The following ZNF536 variants were observed in gnomAD, a reference collection of about 807,000 sequenced individuals.
ZNF536 encodes zinc finger protein 536.
Under a neutral mutation model 84.5 loss-of-function variants are expected in ZNF536, and 13 were observed. The observed-to-expected ratio is 0.15, with a 90% CI of 0.10 to 0.24. ZNF536 has a LOEUF of 0.24. Ranked by LOEUF, ZNF536 falls within the 10% of genes least tolerant of loss-of-function variation. The pLI, the probability that ZNF536 is intolerant of heterozygous loss-of-function variation, is 1.00. For missense variants in ZNF536, 1,536 were observed against 1,747.5 expected, an observed-to-expected ratio of 0.88 and a Z score of 2.16; for synonymous variants, 811 against 742.5, an observed-to-expected ratio of 1.09 and a Z score of -1.50.
At chr19:30,590,716 C>G (rs1480085171) in intron 1 of ZNF536, among the ~76,000 whole-genome samples, 1 of 152,134 alleles carries the variant, frequency 6.6e-6, no homozygotes, top group East Asian at 1.9e-4. Context: ...TCACAGAGCC[C>G]CTTTCAGTCT....
chr19:30,490,306 G>A (rs2054458057), intron 2 of ZNF536, among the ~76,000 whole-genome samples: 1 of 152,128 alleles, frequency 6.6e-6, no homozygotes, highest in Non-Finnish European at 1.5e-5. Flanking sequence ...ATCCTATTAG[G>A]CAAGTTTTCT....
chr19:30,246,502 G>T (rs1380017314), intron 1 of ZNF536, among the ~76,000 whole-genome samples: 1 of 152,162 alleles, frequency 6.6e-6, no homozygotes, highest in African/African-American at 2.4e-5. Context: ...CAAGTAGACT[G>T]CAAGCTTCCT....
intron 1 of ZNF536, among the ~76,000 whole-genome samples, chr19:30,670,328 T>C (rs1311859351): frequency 3.3e-5 from 5 of 152,212 alleles, no homozygotes; most frequent in Non-Finnish European, 5.9e-5. Context: ...TTTGCCCTCA[T>C]TCGCTGAGTG....
chr19:30,240,483 C>T (rs2023864672), intron 1 of ZNF536, among the ~76,000 whole-genome samples: 1 of 152,220 alleles, frequency 6.6e-6, no homozygotes, highest in Admixed American at 6.5e-5. Flanking sequence ...ATCTGGGCCC[C>T]TCCCAGGACC....
At chr19:30,662,992 A>G (rs980622364) in intron 1 of ZNF536, among the ~76,000 whole-genome samples, 2 of 130,782 alleles carry the variant, frequency 1.5e-5, no homozygotes, top group African/African-American at 5.9e-5. Flanking sequence ...TTTTTAAGAA[A>G]TAGTTTCCCC....
intron 1 of ZNF536, among the ~76,000 whole-genome samples, chr19:30,662,921 T>G (rs969385596): frequency 1.3e-5 from 2 of 151,080 alleles, no homozygotes; most frequent in African/African-American, 2.4e-5. Context: ...AAAGGGAAAA[T>G]TTTTTCTCTT....
chr19:30,244,292 C>T (rs1321406900), intron 1 of ZNF536, among the ~76,000 whole-genome samples: 2 of 152,022 alleles, frequency 1.3e-5, no homozygotes, highest in Admixed American at 6.5e-5. Flanking sequence ...TCTTTAAGAA[C>T]GATCCACCCC....
At position 30,398,986 on chromosome 19, in the gene ZNF536, C is replaced by T. The variant is rs191092782; in HGVS notation, c.-3+26430C>T. Among the ~76,000 whole-genome samples, 589 of 152,276 alleles carry T rather than the reference C, an allele frequency of 3.9e-3. 4 individuals are homozygous for T. Among genetic ancestry groups the T allele is most frequent in the African/African-American group, 0.014 (564 of 41,554 alleles). On this transcript the variant is annotated intron_variant, in intron 1 of 4. Coordinates refer to ENST00000355537, the MANE Select transcript of ZNF536 (RefSeq NM_014717.3). The stretch of plus-strand genomic sequence containing the variant: ...TTCTAGTTCTAGATCCTTGAGGAAT[C>T]GCCACACTGTCTTCCACAATGATTG...
chr19:30,317,887 G>A (rs1326065870), intron 2 of ZNF536, among the ~76,000 whole-genome samples: 1 of 152,210 alleles, frequency 6.6e-6, no homozygotes, highest in Non-Finnish European at 1.5e-5. Context: ...GAAAACACTT[G>A]AATGCAGATC....
At chr19:30,232,986 A>T (rs1599820711) in intron 1 of ZNF536, among the ~76,000 whole-genome samples, 1 of 152,210 alleles carries the variant, frequency 6.6e-6, no homozygotes, top group East Asian at 1.9e-4. Flanking sequence ...AGGGGGGTGG[A>T]AGGTCAGCTG....
At position 30,443,795 on chromosome 19, in the gene ZNF536, G is replaced by T. The variant is rs769180671; in HGVS notation, c.233G>T (p.Gly78Val). 11 of 1,613,120 alleles carry T rather than the reference G, an allele frequency of 6.8e-6. No individual in the cohort carries two copies. In the Middle Eastern group the frequency reaches 4.9e-4, roughly 72 times the overall value. ...AHVPMSGQPM[G>V]SQMALLANQL... ...GTGCCCATGAGCGGCCAGCCCATGG[G>T]CAGTCAGATGGCGCTCCTGGCCAAC... Residue 78 changes from glycine (G) to valine (V), a missense_variant, in exon 2 of 5, where the codon GGC becomes GTC. By Grantham distance (109) the Gly-to-Val change is moderately radical (BLOSUM62 -3). This residue lies in a region of ZNF536 where 161 missense variants were observed against 178.5 expected (regional missense o/e 0.90). Coordinates refer to ENST00000355537, the MANE Select transcript of ZNF536 (RefSeq NM_014717.3).
intron 2 of ZNF536, among the ~76,000 whole-genome samples, chr19:30,498,488 C>T (rs2145249922): frequency 6.6e-6 from 1 of 152,128 alleles, no homozygotes. Context: ...CTAATGAATA[C>T]TGGGCTTAAT....
rs75311223 is a variant in ZNF536 at position 30,443,731 on chromosome 19, G to T, written c.169G>T (p.Glu57Ter). ...FPELHPRPNP[E>*]EKPPASLEEK... ...CGAGCTCCATCCCCGGCCCAACCCC[G>T]AGGAGAAGCCCCCCGCATCCCTGGA... is the stretch of plus-strand genomic sequence containing the variant. The change falls in exon 2 of 5, where the codon GAG (glutamate) becomes TAG (stop). Residue 57 changes from glutamate to a stop codon, truncating the protein, a stop_gained. Transcript: ENST00000355537. LOFTEE classifies it high-confidence loss of function. 6.2e-7 allele frequency: 1 copy of T among 1,612,972 alleles called. No homozygotes were observed. The highest frequency in any genetic ancestry group is 8.5e-7 in the Non-Finnish European group (1 of 1,179,598).
chr19:30,584,036 G>C (rs1436000259), intron 1 of ZNF536, among the ~76,000 whole-genome samples: 1 of 152,124 alleles, frequency 6.6e-6, no homozygotes, highest in Non-Finnish European at 1.5e-5. Flanking sequence ...AGAATCAACA[G>C]TCAGCCCTGG....
intron 1 of ZNF536, among the ~76,000 whole-genome samples, chr19:30,614,884 G>A (rs1041343129): frequency 1.4e-5 from 2 of 144,196 alleles, no homozygotes; most frequent in African/African-American, 5.1e-5. Context: ...CATCTATGAC[G>A]TGCTTGCTCC....
intron 1 of ZNF536, among the ~76,000 whole-genome samples, chr19:30,700,250 CTCTCTT>C (rs1477555675): frequency 9.2e-6 from 1 of 108,132 alleles, no homozygotes; most frequent in Non-Finnish European, 2.1e-5. Flanking sequence ...CTCTCTCTCT[CTCTCTT>C]TCTTTCTTTC....
At chr19:30,295,557 A>G (rs1046315999) in intron 2 of ZNF536, among the ~76,000 whole-genome samples, 3 of 152,110 alleles carry the variant, frequency 2.0e-5, no homozygotes, top group Non-Finnish European at 4.4e-5. Context: ...GGCCCCAGGG[A>G]CTCTGCTTTG....
At chr19:30,471,751 G>A (rs1020168637) in intron 2 of ZNF536, among the ~76,000 whole-genome samples, 2 of 152,262 alleles carry the variant, frequency 1.3e-5, no homozygotes, top group African/African-American at 4.8e-5. Flanking sequence ...AAACTTGACC[G>A]GAGGTCTGCC....
chr19:30,252,214 T>C (rs1302648834), intron 1 of ZNF536, among the ~76,000 whole-genome samples: 2 of 152,166 alleles, frequency 1.3e-5, no homozygotes, highest in African/African-American at 4.8e-5. Flanking sequence ...TCACTAATGA[T>C]TAGGGAAATG....
Sources: gnomAD v4.1 joint callset for allele counts (sites outside exome capture counted in the v4.1 genomes callset) on GRCh38, gnomAD v4.1.1 for gene constraint, gnomAD v4.1.1 regional missense constraint, MANE v1.5 for transcripts, NCBI Gene and HGNC (gene_info 2026-07-23, HGNC 2026-07-21) for gene names.